Variants in LRP1B observed in about 807,000 individuals in gnomAD.
LRP1B encodes low-density lipoprotein receptor-related protein 1B.
A neutral mutation model predicts 556.6 loss-of-function variants in LRP1B; 217 were observed. The ratio of observed to expected loss-of-function variants is 0.39; its 90% CI spans 0.35 to 0.44. The LOEUF is 0.44. LRP1B is among the 20% of genes least tolerant of loss of function. The pLI is 1.00. For synonymous variants in LRP1B, 2,047 were observed against 1,865.8 expected (o/e 1.10, Z -2.50); for missense variants, 5,053 against 5,620.8 (o/e 0.90, Z 3.23).
chr2:141,369,494 AT>A (rs553639675), intron 3 of LRP1B, among the ~76,000 whole-genome samples: 1 of 152,160 alleles, frequency 6.6e-6, no homozygotes, highest in South Asian at 2.1e-4. Flanking sequence ...GTTACATTTA[AT>A]TTTGTCTCAA....
intron 1 of LRP1B, among the ~76,000 whole-genome samples, chr2:142,035,592 C>A (rs761834551): frequency 8.6e-5 from 13 of 151,570 alleles, no homozygotes; most frequent in Non-Finnish European, 1.6e-4. Context: ...ATAAGCACCG[C>A]TGCTTATGAG....
chr2:140,430,761 G>A (rs929506601), intron 66 of LRP1B, among the ~76,000 whole-genome samples: 4 of 152,136 alleles, frequency 2.6e-5, no homozygotes, highest in African/African-American at 9.7e-5. Context: ...CCGTCTCTTA[G>A]AACATCTCAT....
chr2:142,050,104 A>T (rs914732535), intron 1 of LRP1B, among the ~76,000 whole-genome samples: 1 of 152,042 alleles, frequency 6.6e-6, no homozygotes, highest in African/African-American at 2.4e-5. Flanking sequence ...TGTCCTGTTA[A>T]TTTTTTCCTG....
chr2:140,995,274 C>T (rs1030500258), intron 15 of LRP1B, among the ~76,000 whole-genome samples: 1 of 152,014 alleles, frequency 6.6e-6, no homozygotes, highest in African/African-American at 2.4e-5. Flanking sequence ...AACTTCCAAC[C>T]TTCTCTTTGT....
intron 66 of LRP1B, among the ~76,000 whole-genome samples, chr2:140,435,240 A>G (rs1686122313): frequency 6.7e-6 from 1 of 149,606 alleles, no homozygotes; most frequent in African/African-American, 2.5e-5. Flanking sequence ...TTTCTTACAT[A>G]TTTTGTTTTT....
rs138466198 is a variant in LRP1B, at chr2:140,925,802, A to C, written c.3137-2655T>G. On this transcript the variant is annotated intron_variant, in intron 20 of 90. Transcript: ENST00000389484. Reference sequence around the variant, plus strand: ...AGCGTCTTGGGCTGGCATCCTTGCAAAGTTGACAGCTACTACCTGCTTTAT... The same window carrying C: ...AGCGTCTTGGGCTGGCATCCTTGCACAGTTGACAGCTACTACCTGCTTTAT... Among the ~76,000 whole-genome samples the C allele has an allele frequency of 1.5e-3, 222 of 152,276 alleles. 1 individual carries two copies. Among genetic ancestry groups the C allele is most frequent in the Admixed American group, 2.7e-3 (41 of 15,278 alleles).
intron 7 of LRP1B, among the ~76,000 whole-genome samples, chr2:141,186,550 A>G (rs1379167005): frequency 5.3e-5 from 8 of 152,082 alleles, no homozygotes; most frequent in Admixed American, 5.2e-4. Context: ...TCCTTCTCTG[A>G]TATCTATGAT....
At chr2:141,913,751 T>C (rs1699964180) in intron 1 of LRP1B, among the ~76,000 whole-genome samples, 1 of 151,948 alleles carries the variant, frequency 6.6e-6, no homozygotes, top group Admixed American at 6.6e-5. Flanking sequence ...ATTACCCTCC[T>C]ACATTTTTTT....
At chr2:141,462,717 AAAAT>A (rs1275348364) in intron 3 of LRP1B, among the ~76,000 whole-genome samples, 2 of 151,766 alleles carry the variant, frequency 1.3e-5, no homozygotes, top group Non-Finnish European at 2.9e-5. Context: ...TTTCTACAAT[AAAAT>A]AAAGCTTAAC....
At chr2:141,002,304 A>G (rs984686745) in intron 15 of LRP1B, among the ~76,000 whole-genome samples, 1 of 152,060 alleles carries the variant, frequency 6.6e-6, no homozygotes, top group Non-Finnish European at 1.5e-5. Context: ...AATAGGTACA[A>G]ATTTGTAGAA....
chr2:141,670,458 C>G (rs1044821119), intron 2 of LRP1B, among the ~76,000 whole-genome samples: 4 of 152,058 alleles, frequency 2.6e-5, no homozygotes, highest in Admixed American at 2.0e-4. Flanking sequence ...TTATAAAATT[C>G]CATGCCACAG....
chr2:141,820,756 T>C (rs1259782459), intron 1 of LRP1B, among the ~76,000 whole-genome samples: 1 of 152,158 alleles, frequency 6.6e-6, no homozygotes, highest in African/African-American at 2.4e-5. Flanking sequence ...CATTCATCCT[T>C]GAAACTAAGA....
chr2:140,562,628 T>G (rs1046606305), intron 43 of LRP1B, among the ~76,000 whole-genome samples: 1 of 152,138 alleles, frequency 6.6e-6, no homozygotes, highest in African/African-American at 2.4e-5. Flanking sequence ...ATTTATTTAT[T>G]TATTTATTTT....
At chr2:141,770,992 A>G (rs976687026) in intron 2 of LRP1B, among the ~76,000 whole-genome samples, 2 of 152,346 alleles carry the variant, frequency 1.3e-5, no homozygotes, top group African/African-American at 4.8e-5. Flanking sequence ...TGAAAAATGG[A>G]TTGAACCACT....
intron 1 of LRP1B, among the ~76,000 whole-genome samples, chr2:141,916,251 T>C (rs1700028741): frequency 6.6e-6 from 1 of 152,094 alleles, no homozygotes; most frequent in South Asian, 2.1e-4. Flanking sequence ...CCATAAAAAA[T>C]GAAATCATGT....
chr2:141,472,220 G>A (rs937184591), intron 3 of LRP1B, among the ~76,000 whole-genome samples: 6 of 152,158 alleles, frequency 3.9e-5, no homozygotes, highest in Admixed American at 1.3e-4. Flanking sequence ...TTATTGGGGT[G>A]GGAGCAATGG....
chr2:140,332,408 A>C (rs915080845), intron 79 of LRP1B, among the ~76,000 whole-genome samples: 1 of 152,092 alleles, frequency 6.6e-6, no homozygotes, highest in Admixed American at 6.6e-5. Context: ...TAATACATGG[A>C]AAGTGTCAGA....
At chr2:140,587,405 C>A (rs540315435) in intron 43 of LRP1B, among the ~76,000 whole-genome samples, 6 of 152,166 alleles carry the variant, frequency 3.9e-5, no homozygotes, top group Non-Finnish European at 5.9e-5. Flanking sequence ...CATAATTTAA[C>A]TTCTGAAATT....
intron 67 of LRP1B, among the ~76,000 whole-genome samples, chr2:140,379,827 A>G (rs943359787): frequency 3.3e-5 from 5 of 152,192 alleles, no homozygotes; most frequent in African/African-American, 1.2e-4. Flanking sequence ...TTCACGGTAT[A>G]AGACAAGGTG....
Sources: allele counts gnomAD v4.1 joint callset (sites outside exome capture counted in the v4.1 genomes callset), GRCh38; gene constraint gnomAD v4.1.1; transcripts MANE v1.5; gene names NCBI Gene and HGNC (gene_info 2026-07-23, HGNC 2026-07-21).